The following ZSCAN25 variants were observed in gnomAD, a reference collection of about 807,000 sequenced individuals.
ZSCAN25 encodes the protein zinc finger and SCAN domain-containing protein 25.
A neutral mutation model predicts 38.7 loss-of-function variants in ZSCAN25; 27 were observed. The observed-to-expected ratio is 0.70, with a 90% confidence interval of 0.51 to 0.96. ZSCAN25 has a LOEUF of 0.96. ZSCAN25 is among the 40% of genes least tolerant of loss of function. ZSCAN25 has a pLI of 0.00. For synonymous variants in ZSCAN25, 273 were observed against 277.7 expected, an observed-to-expected ratio of 0.98 and a Z score of 0.17; for missense variants, 637 against 705.9, an observed-to-expected ratio of 0.90 and a Z score of 1.11.
the ZSCAN25 span, among the ~76,000 whole-genome samples, chr7:99,723,144 GT>G: frequency 3.3e-5 from 5 of 152,124 alleles, no homozygotes; most frequent in East Asian, 9.6e-4. Context: ...TGGGAAAGTG[GT>G]GGGTTTCAGG....
At chr7:99,722,462 A>G in the ZSCAN25 span, 1 of 1,328,522 alleles carries the variant, frequency 7.5e-7, no homozygotes, top group South Asian at 1.3e-5. Context: ...TGGCAGTTAG[A>G]GGAAGCTTAT....
chr7:99,717,380 GT>G, the ZSCAN25 span: 2 of 1,593,758 alleles, frequency 1.3e-6, no homozygotes, highest in Non-Finnish European at 1.7e-6. Context: ...ATTTTATGAT[GT>G]GTTTTCTGTA....
the ZSCAN25 span, among the ~76,000 whole-genome samples, chr7:99,654,910 C>A: frequency 6.6e-6 from 1 of 152,204 alleles, no homozygotes. Context: ...ATCCTTCCCC[C>A]ACTTGTTGAT....
chr7:99,652,823 T>G, the ZSCAN25 span: 1 of 1,477,562 alleles, frequency 6.8e-7, no homozygotes, highest in Non-Finnish European at 9.4e-7. Context: ...GATTTTGAAT[T>G]AACTCTCAAC....
chr7:99,711,178 C>T, the ZSCAN25 span, among the ~76,000 whole-genome samples: 1 of 152,184 alleles, frequency 6.6e-6, no homozygotes, highest in Non-Finnish European at 1.5e-5. Flanking sequence ...CCAGAGAGAA[C>T]ATTTCTGCAT....
At chr7:99,626,196 G>A (rs563445159) in intron 7 of ZSCAN25, among the ~76,000 whole-genome samples, 6 of 152,346 alleles carry the variant, frequency 3.9e-5, no homozygotes, top group Admixed American at 2.0e-4. Flanking sequence ...AAAAGTAGCA[G>A]GTGCAGAAAC....
chr7:99,651,287 A>G, the ZSCAN25 span, among the ~76,000 whole-genome samples: 333 of 152,342 alleles, frequency 2.2e-3, 1 homozygote, highest in Non-Finnish European at 4.1e-3. Flanking sequence ...CGTATATATC[A>G]CATGAATTTA....
chr7:99,653,477 A>ATAAG, the ZSCAN25 span, among the ~76,000 whole-genome samples: 1 of 151,840 alleles, frequency 6.6e-6, no homozygotes, highest in Non-Finnish European at 1.5e-5. The surrounding 1 kb of genome is among the most constrained non-coding windows in gnomAD (Gnocchi z 4.2). Flanking sequence ...AAATAAATAA[A>ATAAG]TAAATAAATT....
At chr7:99,713,808 T>C in the ZSCAN25 span, among the ~76,000 whole-genome samples, 1 of 152,224 alleles carries the variant, frequency 6.6e-6, no homozygotes, top group East Asian at 1.9e-4. Context: ...GTCCTGGGCC[T>C]TTTATTCTTC....
chr7:99,663,171 G>A, the ZSCAN25 span: 1 of 1,143,136 alleles, frequency 8.7e-7, no homozygotes, highest in African/African-American at 1.6e-5. Context: ...TCTGGCCAAA[G>A]AGTTGCCGGT....
At chr7:99,681,993 G>A in the ZSCAN25 span, among the ~76,000 whole-genome samples, 2 of 152,174 alleles carry the variant, frequency 1.3e-5, no homozygotes, top group Admixed American at 6.5e-5. Flanking sequence ...TTTTCTGACA[G>A]AGTCTCACTC....
chr7:99,700,035 C>T, the ZSCAN25 span: 29 of 1,605,954 alleles, frequency 1.8e-5, no homozygotes, highest in African/African-American at 9.4e-5. Context: ...TGAGGTCCAT[C>T]GCCACTTGCC....
intron 5 of ZSCAN25, chr7:99,622,063 T>C (rs1807020172): frequency 5.9e-6 from 1 of 168,508 alleles, no homozygotes; most frequent in Non-Finnish European, 1.3e-5. Context: ...TAGCTGGGCC[T>C]ACAGGCATGT....
the ZSCAN25 span, among the ~76,000 whole-genome samples, chr7:99,658,274 C>T: frequency 6.6e-6 from 1 of 152,116 alleles, no homozygotes; most frequent in Non-Finnish European, 1.5e-5. Context: ...TAGGGCAGGC[C>T]TGGTGGTGAC....
chr7:99,714,604 G>C, the ZSCAN25 span: 1 of 1,607,650 alleles, frequency 6.2e-7, no homozygotes, highest in Non-Finnish European at 8.5e-7. Flanking sequence ...TACAGATTTT[G>C]TTAGAAAACT....
chr7:99,638,552 C>T, the ZSCAN25 span: 2 of 1,534,412 alleles, frequency 1.3e-6, no homozygotes, highest in African/African-American at 1.4e-5. Context: ...GCCGCGAGAG[C>T]GCGGATCTTG....
At chr7:99,619,222 G>A (rs1409402638) in intron 3 of ZSCAN25, 90 bp downstream of exon 3, 1 of 180,940 alleles carries the variant, frequency 5.5e-6, no homozygotes, top group African/African-American at 2.4e-5. Flanking sequence ...TGTGTTGCAT[G>A]TATGTTTCCT....
chr7:99,720,056 G>A, the ZSCAN25 span, among the ~76,000 whole-genome samples: 1 of 151,878 alleles, frequency 6.6e-6, no homozygotes, highest in Non-Finnish European at 1.5e-5. Flanking sequence ...CACAAATGAG[G>A]GCACATAAAA....
the ZSCAN25 span, among the ~76,000 whole-genome samples, chr7:99,661,133 TTTCTC>T: frequency 6.6e-6 from 1 of 152,206 alleles, no homozygotes; most frequent in East Asian, 1.9e-4. Flanking sequence ...TTTAGGACCT[TTTCTC>T]TATATATGTT....
Sources: gnomAD v4.1 joint callset for allele counts (sites outside exome capture counted in the v4.1 genomes callset) on GRCh38, gnomAD v4.1.1 for gene constraint, Gnocchi (gnomAD v3.1) non-coding constraint, MANE v1.5 for transcripts, NCBI Gene and HGNC (gene_info 2026-07-23, HGNC 2026-07-21) for gene names.